SLC12A2: variants seen among roughly 807,000 people sequenced by gnomAD.
The protein encoded by SLC12A2 is solute carrier family 12 member 2.
SLC12A2 carries 67 observed loss-of-function variants against 136.3 expected under a neutral mutation model. That is an observed-to-expected ratio of 0.49 (90% CI 0.40 to 0.60). SLC12A2 has a LOEUF of 0.60. Ranked by LOEUF, SLC12A2 falls within the 20% of genes least tolerant of loss-of-function variation. The probability of loss-of-function intolerance (pLI) is 0.00; values close to 1 mark genes in which losing one functional copy is unlikely to be tolerated. For missense variants in SLC12A2, 1,322 were observed against 1,534.7 expected, an observed-to-expected ratio of 0.86 and a Z score of 2.32; for synonymous variants, 619 against 562.9, an observed-to-expected ratio of 1.10 and a Z score of -1.41.
At chr5:128,122,894 A>G (rs1381053329) in intron 4 of SLC12A2, among the ~76,000 whole-genome samples, 1 of 152,020 alleles carries the variant, frequency 6.6e-6, no homozygotes, top group Non-Finnish European at 1.5e-5. Context: ...AACTTTTCAG[A>G]TCAATGAAAT....
chr5:128,169,980 TGTAAATTAATA>T (rs1763319034), intron 18 of SLC12A2: 1 of 152,186 alleles, frequency 6.6e-6, no homozygotes, highest in Non-Finnish European at 1.5e-5. Context: ...TTTAGAACCA[TGTAAATTAATA>T]GCAGTTTCAC....
Position 128,177,159 on chromosome 5 carries a change from AT to A in SLC12A2, c.2977+12del. 1 of 1,586,002 alleles carries A rather than the reference AT, an allele frequency of 6.3e-7. No homozygotes were observed. Among genetic ancestry groups the A allele is most frequent in the Non-Finnish European group, 8.6e-7 (1 of 1,166,480 alleles). On this transcript the variant is annotated splice_region_variant and intron_variant, in intron 21 of 26. Transcript: ENST00000262461. ...CAACCACTGTTGAAAAAAGGCAGGC[AT>A]TTTTCATCATTTTATTTTAAACCCT... is the stretch of plus-strand genomic sequence containing the variant.
At chr5:128,085,140 T>C (rs891743342) in intron 1 of SLC12A2, among the ~76,000 whole-genome samples, 1 of 151,878 alleles carries the variant, frequency 6.6e-6, no homozygotes, top group African/African-American at 2.4e-5. Flanking sequence ...TATGTACGCC[T>C]ATTAGGGATC....
At chr5:128,153,186 A>G (rs548844853) in intron 15 of SLC12A2, among the ~76,000 whole-genome samples, 1 of 152,372 alleles carries the variant, frequency 6.6e-6, no homozygotes, top group Non-Finnish European at 1.5e-5. Flanking sequence ...GAAGCAACTT[A>G]TAGTGACAAA....
intron 17 of SLC12A2, among the ~76,000 whole-genome samples, chr5:128,167,107 G>A (rs1763229754): frequency 6.6e-6 from 1 of 152,092 alleles, no homozygotes; most frequent in Non-Finnish European, 1.5e-5. Flanking sequence ...GGGGGGTTAT[G>A]TGTTGTTTAT....
At position 128,089,150 on chromosome 5, in the gene SLC12A2, A is replaced by G. The variant is rs1326866243; in HGVS notation, c.756+4440A>G. Among the ~76,000 whole-genome samples the G allele has an allele frequency of 2.7e-5, 4 of 145,828 alleles. No individual in the cohort carries two copies. The Admixed American group carries it at 2.8e-4, about 10-fold the overall frequency. On this transcript the variant is annotated intron_variant, in intron 1 of 26. Coordinates refer to ENST00000262461, the MANE Select transcript of SLC12A2 (RefSeq NM_001046.3). ...GCCATTGCACTCCAGCCTGGGCAAC[A>G]AGAGCAAAACTTTGTCTCCAAAAAA... is the stretch of plus-strand genomic sequence containing the variant.
Position 128,112,839 on chromosome 5 carries a change from A to G in SLC12A2, c.782A>G (p.Asn261Ser), listed in dbSNP as rs780366429. The change falls in exon 2 of 27, where the codon AAT becomes AGT. Residue 261 changes from asparagine to serine, a missense_variant. Transcript: ENST00000262461. ...GAACCTTTTGAGGATGGCTTTGCAA[A>G]TGGGGAAGAAAGTACTCCAACCAGA... ...EKEPFEDGFA[N>S]GEESTPTRDA... is the part of the protein sequence containing the mutation. 11 of 1,611,066 alleles carry G rather than the reference A, an allele frequency of 6.8e-6. No homozygotes were observed. Among genetic ancestry groups the G allele is most frequent in the Admixed American group, 1.7e-5 (1 of 59,504 alleles).
chr5:128,181,191 G>C (rs1763693937), intron 23 of SLC12A2, among the ~76,000 whole-genome samples, 197 bp downstream of exon 23: 2 of 152,060 alleles, frequency 1.3e-5, no homozygotes, highest in South Asian at 4.1e-4. Flanking sequence ...ATTTTACTTA[G>C]ATATAATTTT....
At chr5:128,125,128 A>T (rs1387381215) in intron 4 of SLC12A2, among the ~76,000 whole-genome samples, 2 of 152,164 alleles carry the variant, frequency 1.3e-5, no homozygotes, top group Non-Finnish European at 2.9e-5. Flanking sequence ...ATTTTTTCCA[A>T]AGGATTTTAA....
chr5:128,151,797 G>C (rs1247318551), intron 14 of SLC12A2, among the ~76,000 whole-genome samples: 1 of 152,130 alleles, frequency 6.6e-6, no homozygotes, highest in Non-Finnish European at 1.5e-5. Flanking sequence ...ATAACCTACT[G>C]TGGTCCTTGA....
Position 128,177,159 on chromosome 5 carries a change from A to C in SLC12A2, c.2977+7A>C, listed in dbSNP as rs780952136. 2 of 1,586,040 alleles carry C rather than the reference A, an allele frequency of 1.3e-6. No homozygotes were observed. Among genetic ancestry groups the C allele is most frequent in the East Asian group, 2.3e-5 (1 of 43,434 alleles). On this transcript the variant is annotated splice_region_variant and intron_variant, in intron 21 of 26. Transcript: ENST00000262461. ...CAACCACTGTTGAAAAAAGGCAGGC[A>C]TTTTTCATCATTTTATTTTAAACCC...
chr5:128,161,992 A>C (rs1013212051), intron 17 of SLC12A2, among the ~76,000 whole-genome samples, 192 bp downstream of exon 17: 4 of 152,190 alleles, frequency 2.6e-5, no homozygotes, highest in Admixed American at 2.6e-4. Flanking sequence ...AAAGTAAACT[A>C]CTTGGATTTG....
intron 4 of SLC12A2, 133 bp from the exon 5 acceptor site, chr5:128,130,930 GTCAC>G: frequency 2.9e-6 from 2 of 693,464 alleles, no homozygotes; most frequent in East Asian, 2.6e-5. Context: ...TGAAAATACA[GTCAC>G]TCACTTGCCT....
In SLC12A2 at chr5:128,161,435, C is replaced by T. The variant is rs191245516; in HGVS notation, c.2476-225C>T. On this transcript the variant is annotated intron_variant, in intron 16 of 26. Coordinates refer to ENST00000262461, the MANE Select transcript of SLC12A2 (RefSeq NM_001046.3). ...TTATTTGTAAGTCTGTGTTTCTTCT[C>T]TTATTCTTTCTACTGGCATCCCTGT... Among the ~76,000 whole-genome samples the T allele has an allele frequency of 4.6e-3, 708 of 152,268 alleles. 5 individuals carry two copies. Among genetic ancestry groups the T allele is most frequent in the Middle Eastern group, 0.01 (3 of 294 alleles).
At chr5:128,164,099 C>T (rs1405505465) in intron 17 of SLC12A2, among the ~76,000 whole-genome samples, 2 of 152,132 alleles carry the variant, frequency 1.3e-5, no homozygotes, top group African/African-American at 4.8e-5. Flanking sequence ...GGTCATTAAA[C>T]TTCAGCATGC....
Position 128,178,695 on chromosome 5 carries a change from G to T in SLC12A2, c.3100+6G>T, listed in dbSNP as rs771167701. The T allele has an allele frequency of 6.5e-7, 1 of 1,536,760 alleles. No individual in the cohort carries two copies. The stretch of plus-strand genomic sequence containing the variant: ...GTGGCTTTTTGATGATGGAGGTAAG[G>T]TTGTTAATTTTTTTAAAATGATTTT... On this transcript the variant is annotated splice_donor_region_variant and intron_variant, in intron 22 of 26. Coordinates refer to ENST00000262461, the MANE Select transcript of SLC12A2 (RefSeq NM_001046.3).
rs139372243 is a variant in SLC12A2 at position 128,160,346 on chromosome 5, A to G, written c.2476-1314A>G. Among the ~76,000 whole-genome samples, 1,441 of 152,180 alleles carry G rather than the reference A, an allele frequency of 9.5e-3. 25 individuals carry two copies. Among genetic ancestry groups the G allele is most frequent in the African/African-American group, 0.033 (1,366 of 41,526 alleles). On this transcript the variant is annotated intron_variant, in intron 16 of 26. Coordinates refer to ENST00000262461, the MANE Select transcript of SLC12A2 (RefSeq NM_001046.3). ...TGGCACCTATATACCTATGTAACAAACCTGCATATTCTGCACATGTATCTC... is the reference window on the plus strand; with the variant it reads ...TGGCACCTATATACCTATGTAACAAGCCTGCATATTCTGCACATGTATCTC...
chr5:128,093,890 A>G (rs774332952), intron 1 of SLC12A2, among the ~76,000 whole-genome samples: 7 of 151,988 alleles, frequency 4.6e-5, no homozygotes, highest in South Asian at 2.1e-4. Flanking sequence ...TGCATTGTCT[A>G]TTTCTGGTTT....
intron 5 of SLC12A2, among the ~76,000 whole-genome samples, chr5:128,133,365 C>A (rs1762089143): frequency 6.6e-6 from 1 of 151,852 alleles, no homozygotes; most frequent in African/African-American, 2.4e-5. Context: ...GTATTAAGGT[C>A]ATTTATCTGG....
Sources: allele counts gnomAD v4.1 joint callset (sites outside exome capture counted in the v4.1 genomes callset), GRCh38; gene constraint gnomAD v4.1.1; transcripts MANE v1.5; gene names NCBI Gene and HGNC (gene_info 2026-07-23, HGNC 2026-07-21).